The following LEMD1 variants were observed in gnomAD, a reference collection of about 807,000 sequenced individuals.
LEMD1 encodes LEM domain-containing protein 1.
In LEMD1, 18 loss-of-function variants were observed where a neutral mutation model predicts 17.4. The ratio of observed to expected loss-of-function variants is 1.04; its 90% CI spans 0.72 to 1.54. The LOEUF is 1.54. Among genes scored for constraint, LEMD1 ranks in the 40% most tolerant of loss-of-function variants. The probability of loss-of-function intolerance (pLI) is 0.00; values close to 1 mark genes in which losing one functional copy is unlikely to be tolerated. For missense variants in LEMD1, 195 were observed against 210.4 expected, an observed-to-expected ratio of 0.93 and a Z score of 0.45; for synonymous variants, 88 against 77.8, an observed-to-expected ratio of 1.13 and a Z score of -0.69.
At chr1:205,435,864 C>G (rs947551611) in intron 1 of LEMD1, 1 of 152,234 alleles carries the variant, frequency 6.6e-6, no homozygotes, top group Non-Finnish European at 1.5e-5. Flanking sequence ...CCCTGTTAAA[C>G]AGTTCCCCCT....
chr1:205,411,017 G>C (rs1383322963), intron 4 of LEMD1, among the ~76,000 whole-genome samples: 1 of 147,342 alleles, frequency 6.8e-6, no homozygotes, highest in African/African-American at 2.5e-5. Flanking sequence ...GGGAGGGAGA[G>C]AGGAAGGAAG....
At chr1:205,437,547 C>G (rs1292084481) in intron 1 of LEMD1, 4 of 152,288 alleles carry the variant, frequency 2.6e-5, no homozygotes, top group Admixed American at 6.5e-5. Context: ...CCCTCTCACT[C>G]CCCCTCTCAC....
At chr1:205,403,978 G>T (rs1463692135) in intron 4 of LEMD1, among the ~76,000 whole-genome samples, 3 of 152,168 alleles carry the variant, frequency 2.0e-5, no homozygotes, top group African/African-American at 7.2e-5. Context: ...TCATTCAGGA[G>T]CAGGTTGTTC....
At chr1:205,416,446 A>G (rs1478539310) in intron 3 of LEMD1, 150 bp from the exon 4 acceptor site, 1 of 623,440 alleles carries the variant, frequency 1.6e-6, no homozygotes, top group Admixed American at 2.8e-5. Flanking sequence ...ACGGAAGAGA[A>G]CATTTCTCCT....
intron 1 of LEMD1, among the ~76,000 whole-genome samples, chr1:205,446,404 G>A (rs1485948362): frequency 1.3e-5 from 2 of 152,146 alleles, no homozygotes; most frequent in Admixed American, 6.5e-5. Context: ...CTCCCAGTTC[G>A]TACTTCATTC....
chr1:205,407,197 G>T (rs1665155071), intron 4 of LEMD1, among the ~76,000 whole-genome samples: 1 of 152,016 alleles, frequency 6.6e-6, no homozygotes, highest in African/African-American at 2.4e-5. Context: ...AGGTGTGGCA[G>T]CACGTGCCTG....
chr1:205,409,860 C>T (rs1028388272), intron 4 of LEMD1, among the ~76,000 whole-genome samples: 1 of 152,098 alleles, frequency 6.6e-6, no homozygotes, highest in African/African-American at 2.4e-5. Flanking sequence ...GCAACCTCCA[C>T]CTCCTGGGTT....
At chr1:205,407,467 T>C (rs568737788) in intron 4 of LEMD1, among the ~76,000 whole-genome samples, 1 of 151,850 alleles carries the variant, frequency 6.6e-6, no homozygotes, top group Non-Finnish European at 1.5e-5. Flanking sequence ...AGAACCTCCA[T>C]AAAACTCCTA....
chr1:205,389,963 G>T (rs1185139057), intron 4 of LEMD1, among the ~76,000 whole-genome samples: 1 of 152,146 alleles, frequency 6.6e-6, no homozygotes. Flanking sequence ...CCCAAGTAAT[G>T]ATTTTGAATT....
At chr1:205,429,926 T>C (rs1666104311) in intron 1 of LEMD1, among the ~76,000 whole-genome samples, 1 of 152,156 alleles carries the variant, frequency 6.6e-6, no homozygotes. Context: ...GACTGCCTAA[T>C]GAAGACAGAG....
chr1:205,406,034 G>A (rs1369594807), intron 4 of LEMD1, among the ~76,000 whole-genome samples: 2 of 152,350 alleles, frequency 1.3e-5, no homozygotes, highest in Non-Finnish European at 2.9e-5. Flanking sequence ...CGTGATCCAC[G>A]AATGCTGCTG....
intron 1 of LEMD1, chr1:205,440,724 G>A (rs1349454394): frequency 6.6e-6 from 1 of 152,526 alleles, no homozygotes; most frequent in Admixed American, 6.5e-5. Context: ...CTGAGAATTG[G>A]AAGCTAATGG....
intron 4 of LEMD1, among the ~76,000 whole-genome samples, chr1:205,412,144 A>C (rs939440678): frequency 1.3e-5 from 2 of 152,174 alleles, no homozygotes; most frequent in Non-Finnish European, 1.5e-5. Context: ...CCTTACTCAA[A>C]GCCCATTTTA....
chr1:205,420,254 G>A (rs1157818938), intron 2 of LEMD1, among the ~76,000 whole-genome samples: 6 of 152,286 alleles, frequency 3.9e-5, no homozygotes, highest in South Asian at 4.1e-4. Flanking sequence ...GGAGGCAGAG[G>A]TTGCAGTAAG....
At chr1:205,449,121 G>A (rs779340658) in intron 1 of LEMD1, among the ~76,000 whole-genome samples, 1 of 152,208 alleles carries the variant, frequency 6.6e-6, no homozygotes, top group Non-Finnish European at 1.5e-5. Flanking sequence ...TCCCTGACAA[G>A]GCTGTGGGAG....
intron 1 of LEMD1, among the ~76,000 whole-genome samples, chr1:205,421,088 A>C (rs1047029021): frequency 9.9e-5 from 15 of 152,168 alleles, no homozygotes; most frequent in African/African-American, 3.4e-4. Flanking sequence ...CTGAACGTTA[A>C]CAAGATGGTA....
chr1:205,382,157 A>C (rs1574931634), intron 5 of LEMD1: 9 of 278,774 alleles, frequency 3.2e-5, no homozygotes, highest in Admixed American at 4.9e-5. Context: ...ACATGCCACC[A>C]CCCCCAGCTA....
chr1:205,417,063 C>T (rs1665726941), intron 3 of LEMD1, among the ~76,000 whole-genome samples: 1 of 152,172 alleles, frequency 6.6e-6, no homozygotes. Context: ...ATACCCCCGT[C>T]CAGTTCATTA....
chr1:205,389,410 A>G (rs992486531), intron 4 of LEMD1, among the ~76,000 whole-genome samples: 3 of 152,154 alleles, frequency 2.0e-5, no homozygotes, highest in African/African-American at 7.2e-5. Context: ...GTCCATAAAG[A>G]AATACAAGTT....
Sources: gnomAD v4.1 joint callset for allele counts (sites outside exome capture counted in the v4.1 genomes callset) on GRCh38, gnomAD v4.1.1 for gene constraint, MANE v1.5 for transcripts, NCBI Gene and HGNC (gene_info 2026-07-23, HGNC 2026-07-21) for gene names.